Variants in LARGE1 observed in about 807,000 individuals in gnomAD.
LARGE1 encodes the protein LARGE xylosyl- and glucuronyltransferase 1, also known as xylosyl- and glucuronyltransferase LARGE1.
In LARGE1, 43 loss-of-function variants were observed where a neutral mutation model predicts 87.6. The observed-to-expected ratio is 0.49, with a 90% confidence interval of 0.38 to 0.63. LARGE1 has a LOEUF of 0.63. Ranked by LOEUF, LARGE1 falls within the 30% of genes least tolerant of loss-of-function variation. The probability of loss-of-function intolerance (pLI) is 0.00; values close to 1 mark genes in which losing one functional copy is unlikely to be tolerated. For synonymous variants in LARGE1, 434 were observed against 394.6 expected (o/e 1.10, Z -1.18); for missense variants, 802 against 1,000.2 (o/e 0.80, Z 2.67).
At chr22:33,272,401 A>G (rs1382390055), downstream of LARGE1, among the ~76,000 whole-genome samples, 1 of 152,198 alleles carries the variant, frequency 6.6e-6, no homozygotes, top group East Asian at 1.9e-4. Flanking sequence ...GGGGATGGGG[A>G]CAGAGGAATC....
intron 1 of LARGE1, among the ~76,000 whole-genome samples, chr22:33,835,537 G>C (rs544527511): frequency 7.2e-4 from 110 of 152,338 alleles, no homozygotes; most frequent in Middle Eastern, 3.4e-3. Flanking sequence ...CTGCCTAACA[G>C]AGACAGGTGA....
chr22:33,082,286 A>G, the LARGE1 span, among the ~76,000 whole-genome samples: 1 of 152,172 alleles, frequency 6.6e-6, no homozygotes, highest in African/African-American at 2.4e-5. Context: ...AATTCTATCT[A>G]CATGTTCTTC....
intron 11 of LARGE1, among the ~76,000 whole-genome samples, chr22:33,194,685 T>C (rs1923974023): frequency 6.6e-6 from 1 of 152,204 alleles, no homozygotes; most frequent in South Asian, 2.1e-4. Context: ...GCTTCTTCTC[T>C]GGCCTCTTCT....
At chr22:33,548,767 T>C (rs913177383) in intron 6 of LARGE1, among the ~76,000 whole-genome samples, 1 of 152,216 alleles carries the variant, frequency 6.6e-6, no homozygotes, top group Admixed American at 6.5e-5. Flanking sequence ...CTCCCTTTGT[T>C]ATTTATATTG....
chr22:33,126,512 A>G, the LARGE1 span, among the ~76,000 whole-genome samples: 1 of 152,170 alleles, frequency 6.6e-6, no homozygotes, highest in African/African-American at 2.4e-5. Flanking sequence ...GCTGAATTGA[A>G]TTGTGAACTT....
intron 5 of LARGE1, among the ~76,000 whole-genome samples, chr22:33,593,947 C>T (rs1229584779): frequency 1.3e-5 from 2 of 152,114 alleles, no homozygotes; most frequent in African/African-American, 4.8e-5. Flanking sequence ...ACAATGCATT[C>T]GCTGAGTAAT....
At chr22:33,167,779 A>G (rs1922349152) in intron 11 of LARGE1, among the ~76,000 whole-genome samples, 1 of 152,128 alleles carries the variant, frequency 6.6e-6, no homozygotes, top group Non-Finnish European at 1.5e-5. Flanking sequence ...TTTCATTTCC[A>G]GCTAAGCCTT....
intron 2 of LARGE1, among the ~76,000 whole-genome samples, chr22:33,707,047 G>GA (rs769908541): frequency 1.3e-5 from 2 of 152,218 alleles, no homozygotes; most frequent in Non-Finnish European, 2.9e-5. Flanking sequence ...AAAGCAGCCT[G>GA]AAAAAGCAAC....
chr22:33,809,643 T>G (rs532525312), intron 1 of LARGE1, among the ~76,000 whole-genome samples: 1 of 152,364 alleles, frequency 6.6e-6, no homozygotes, highest in African/African-American at 2.4e-5. Flanking sequence ...AGCAGCCACA[T>G]TTTAAAAAGA....
chr22:33,138,240 G>C, the LARGE1 span, among the ~76,000 whole-genome samples: 4 of 152,218 alleles, frequency 2.6e-5, no homozygotes, highest in Admixed American at 2.6e-4. Context: ...TTTAAGATTT[G>C]ACTGCCCCAC....
intron 1 of LARGE1, among the ~76,000 whole-genome samples, chr22:33,775,602 A>G (rs1329289456): frequency 6.6e-6 from 1 of 152,210 alleles, no homozygotes; most frequent in Non-Finnish European, 1.5e-5. Flanking sequence ...CTGTAATCCC[A>G]GCACTTTGGG....
At chr22:33,902,604 C>T (rs559782189) in intron 1 of LARGE1, among the ~76,000 whole-genome samples, 1 of 152,320 alleles carries the variant, frequency 6.6e-6, no homozygotes, top group African/African-American at 2.4e-5. Flanking sequence ...GAATAATAAA[C>T]TCTACATCAA....
chr22:33,661,513 C>T (rs2081122962), intron 2 of LARGE1, among the ~76,000 whole-genome samples: 1 of 150,236 alleles, frequency 6.7e-6, no homozygotes, highest in Admixed American at 6.6e-5. Context: ...CCGCACCTGG[C>T]ATTTCTGTGA....
chr22:33,546,587 A>G (rs1460350502), intron 6 of LARGE1, among the ~76,000 whole-genome samples: 1 of 151,702 alleles, frequency 6.6e-6, no homozygotes, highest in African/African-American at 2.4e-5. Context: ...CTTTTTTTAA[A>G]TTTTTTATTT....
At chr22:33,308,628 C>T (rs370006794) in intron 11 of LARGE1, among the ~76,000 whole-genome samples, 53 of 152,226 alleles carry the variant, frequency 3.5e-4, no homozygotes, top group African/African-American at 9.6e-4. Context: ...GTGAGACAAC[C>T]GGCTTGTACC....
intron 2 of LARGE1, among the ~76,000 whole-genome samples, chr22:33,689,944 A>T (rs2082051185): frequency 6.6e-6 from 1 of 151,706 alleles, no homozygotes; most frequent in Non-Finnish European, 1.5e-5. Flanking sequence ...AAAAGGAGGG[A>T]AAAATGATAT....
At chr22:33,494,067 A>G (rs1339686267) in intron 6 of LARGE1, among the ~76,000 whole-genome samples, 3 of 152,238 alleles carry the variant, frequency 2.0e-5, no homozygotes, top group African/African-American at 7.2e-5. Flanking sequence ...AATACGAGAA[A>G]TTAACTTTTA....
chr22:33,903,476 TA>T (rs146077702), intron 1 of LARGE1, among the ~76,000 whole-genome samples: 73 of 146,764 alleles, frequency 5.0e-4, no homozygotes, highest in Middle Eastern at 3.5e-3. Flanking sequence ...ACATAACAGT[TA>T]AAAAAAAAAA....
intron 10 of LARGE1, among the ~76,000 whole-genome samples, chr22:33,316,976 G>T (rs574913973): frequency 6.6e-6 from 1 of 152,172 alleles, no homozygotes; most frequent in Non-Finnish European, 1.5e-5. Flanking sequence ...CACTTTGGGA[G>T]GCCAAGGTGG....
Sources: allele counts gnomAD v4.1 joint callset (sites outside exome capture counted in the v4.1 genomes callset), GRCh38; gene constraint gnomAD v4.1.1; transcripts MANE v1.5; gene names NCBI Gene and HGNC (gene_info 2026-07-23, HGNC 2026-07-21).